Variants in TSHZ3 observed in about 807,000 individuals in gnomAD.
The protein encoded by TSHZ3 is teashirt homolog 3.
Under a neutral mutation model 64.5 loss-of-function variants are expected in TSHZ3, and 10 were observed. The ratio of observed to expected loss-of-function variants is 0.16; its 90% confidence interval spans 0.10 to 0.26. TSHZ3 has a LOEUF of 0.26. Among genes scored for constraint, TSHZ3 ranks in the 10% least tolerant of loss-of-function variants. The pLI is 1.00. For synonymous variants in TSHZ3, 608 were observed against 593.1 expected (o/e 1.03, Z -0.36); for missense variants, 1,242 against 1,421.7 (o/e 0.87, Z 2.03).
intron 1 of TSHZ3, among the ~76,000 whole-genome samples, chr19:31,341,244 C>T (rs1303829549): frequency 2.6e-5 from 4 of 152,218 alleles, no homozygotes; most frequent in Non-Finnish European, 4.4e-5. Flanking sequence ...ACATTCTAGC[C>T]TCTTGCAAGA....
intron 4 of TSHZ3, among the ~76,000 whole-genome samples, chr19:31,226,588 T>C (rs528639863): frequency 6.6e-6 from 1 of 152,158 alleles, no homozygotes; most frequent in Non-Finnish European, 1.5e-5. Context: ...AGCGTGAAAA[T>C]GGACTAATAC....
chr19:31,260,626 A>G (rs1157642655), intron 1 of TSHZ3, among the ~76,000 whole-genome samples: 1 of 152,172 alleles, frequency 6.6e-6, no homozygotes, highest in Non-Finnish European at 1.5e-5. Context: ...GTGAGAGAAA[A>G]CGCACCTTTG....
At chr19:31,251,930 G>A (rs1975849337) in intron 1 of TSHZ3, among the ~76,000 whole-genome samples, 1 of 152,206 alleles carries the variant, frequency 6.6e-6, no homozygotes, top group Non-Finnish European at 1.5e-5. Flanking sequence ...CCCCTCTGCA[G>A]TCCCCACAGG....
At chr19:31,299,051 CG>C (rs1976710433) in intron 1 of TSHZ3, among the ~76,000 whole-genome samples, 1 of 152,126 alleles carries the variant, frequency 6.6e-6, no homozygotes, top group South Asian at 2.1e-4. Flanking sequence ...GAAAATTAGC[CG>C]GGCGTGGTAG....
At chr19:31,199,245 A>G (rs1250177128) in intron 5 of TSHZ3, among the ~76,000 whole-genome samples, 1 of 151,860 alleles carries the variant, frequency 6.6e-6, no homozygotes, top group East Asian at 1.9e-4. Flanking sequence ...CTCTACTAAA[A>G]ATACAAAAAT....
At chr19:31,297,927 C>A (rs1454692629) in intron 1 of TSHZ3, among the ~76,000 whole-genome samples, 1 of 152,198 alleles carries the variant, frequency 6.6e-6, no homozygotes, top group Non-Finnish European at 1.5e-5. Flanking sequence ...GCTCCTAAAA[C>A]CCAGCTGTGA....
chr19:31,250,337 G>A lies in TSHZ3; in HGVS notation n.64-7462C>T, dbSNP rs185850864. Among the ~76,000 whole-genome samples the A allele has an allele frequency of 8.7e-4, 133 of 152,224 alleles. 1 individual carries two copies. Among genetic ancestry groups the A allele is most frequent in the African/African-American group, 3.1e-3 (128 of 41,544 alleles). On this transcript the variant is annotated intron_variant and non_coding_transcript_variant, in intron 1 of 6. Transcript: ENST00000651361. ...AATTGTTGGTTTACCTCTCACAAAC[G>A]CTGGTGGATCTCCCCATCTCTAATC...
At chr19:31,249,852 A>T (rs545900128) in intron 1 of TSHZ3, among the ~76,000 whole-genome samples, 1 of 152,344 alleles carries the variant, frequency 6.6e-6, no homozygotes, top group South Asian at 2.1e-4. Context: ...GTCATCATGG[A>T]GATAACAGAT....
Position 31,277,103 on chromosome 19 carries a change from T to G in TSHZ3, c.2690A>C (p.Asn897Thr), listed in dbSNP as rs780886308. 5.6e-6 allele frequency: 9 copies of G among 1,603,964 alleles called. No homozygotes were observed. The highest frequency in any genetic ancestry group is 7.7e-6 in the Non-Finnish European group (9 of 1,174,120). ...GATCAGGAGGTGCTGGGGGTTCCAG[T>G]TTGACTGGCGGCCCTTCCTCTTCTG... is the stretch of plus-strand genomic sequence containing the variant. ...PAQKRKGRQS[N>T]WNPQHLLILQ... The change falls in exon 2 of 2, where the codon AAC becomes ACC. Residue 897 changes from asparagine to threonine, a missense_variant. Around this residue, in one of 4 missense-constraint regions of TSHZ3, gnomAD observed 550 missense variants for 545.1 expected, o/e 1.01. Coordinates refer to ENST00000240587, the MANE Select transcript of TSHZ3 (RefSeq NM_020856.4). This position sits in a 1 kb window ranked among gnomAD's most constrained non-coding sequence, Gnocchi z 4.5.
intron 5 of TSHZ3, among the ~76,000 whole-genome samples, chr19:31,167,010 C>A (rs946747468): frequency 6.6e-6 from 1 of 151,252 alleles, no homozygotes. Flanking sequence ...CCAGAGCACA[C>A]GCAATCTTTG....
In TSHZ3 at chr19:31,276,907, T is replaced by C; in HGVS notation, c.2886A>G (p.Gly962=). The C allele has an allele frequency of 6.2e-7, 1 of 1,614,206 alleles. No individual in the cohort carries two copies. The highest frequency in any genetic ancestry group is 8.5e-7 in the Non-Finnish European group (1 of 1,180,034). ...TGTCCAAGTTTTTGAGGAACTTTGTTCCACCTGTCCTTCGAAGCTGGTATT... is the reference window on the plus strand; with the variant it reads ...TGTCCAAGTTTTTGAGGAACTTTGTCCCACCTGTCCTTCGAAGCTGGTATT... ...NVKYQLRRTG[G]TKFLKNLDTG... The change falls in exon 2 of 2, where the codon GGA becomes GGG. Residue 962 remains glycine, a synonymous_variant. Transcript: ENST00000240587.
At chr19:31,241,295 T>C (rs1188386369) in intron 3 of TSHZ3, among the ~76,000 whole-genome samples, 1 of 152,214 alleles carries the variant, frequency 6.6e-6, no homozygotes, top group Non-Finnish European at 1.5e-5. Flanking sequence ...AAACTCTTGT[T>C]GGGGCTTCAA....
chr19:31,188,503 CA>C lies in TSHZ3; in HGVS notation n.809+16452del, dbSNP rs540585571. Among the ~76,000 whole-genome samples the C allele has an allele frequency of 2.7e-3, 411 of 151,996 alleles. 2 individuals are homozygous for C. The highest frequency in any genetic ancestry group is 2.9e-3 in the Non-Finnish European group (198 of 67,822). ...AAATGTTCCTTCTAGTCTTCTTTCACAAAAAAGTTTTTTTATGAATAAGTGT... is the reference window on the plus strand; with the variant it reads ...AAATGTTCCTTCTAGTCTTCTTTCACAAAAAGTTTTTTTATGAATAAGTGT... On this transcript the variant is annotated intron_variant and non_coding_transcript_variant, in intron 5 of 6. Transcript: ENST00000651361.
intron 5 of TSHZ3, among the ~76,000 whole-genome samples, chr19:31,161,919 T>C (rs1486334012): frequency 6.6e-6 from 1 of 152,256 alleles, no homozygotes; most frequent in South Asian, 2.1e-4. Flanking sequence ...AAACAGGCGA[T>C]GGGCCTGGAT....
intron 1 of TSHZ3, among the ~76,000 whole-genome samples, chr19:31,285,934 G>A (rs892241696): frequency 6.6e-6 from 1 of 152,110 alleles, no homozygotes; most frequent in Middle Eastern, 3.2e-3. Flanking sequence ...TGGACTGTGA[G>A]GGGGAGGAGG....
intron 1 of TSHZ3, among the ~76,000 whole-genome samples, chr19:31,251,231 G>C (rs1393093355): frequency 2.0e-5 from 3 of 152,258 alleles, no homozygotes; most frequent in Middle Eastern, 3.4e-3. Flanking sequence ...CCAGGGCAAG[G>C]AGTATGCAGA....
intron 4 of TSHZ3, among the ~76,000 whole-genome samples, chr19:31,226,797 T>C (rs926454356): frequency 1.3e-5 from 2 of 152,086 alleles, no homozygotes; most frequent in South Asian, 4.2e-4. Context: ...ACAGCACCCC[T>C]TTCAGACTCA....
chr19:31,306,691 C>G (rs1167666439), intron 1 of TSHZ3, among the ~76,000 whole-genome samples: 1 of 152,000 alleles, frequency 6.6e-6, no homozygotes, highest in African/African-American at 2.4e-5. Flanking sequence ...CTGGAGATAC[C>G]CTGGGCTAGG....
chr19:31,288,521 GA>G lies in TSHZ3; in HGVS notation c.41-8770del, dbSNP rs1474106074. The stretch of plus-strand genomic sequence containing the variant: ...AAAAGCCATAGCAACCCAATGTGGA[GA>G]GCCGTCCAAGAGGGCAGTAGCTGGA... On this transcript the variant is annotated intron_variant, in intron 1 of 1. Transcript: ENST00000240587. Among the ~76,000 whole-genome samples the G allele has an allele frequency of 9.9e-5, 15 of 152,278 alleles. No homozygotes were observed. In the East Asian group the frequency reaches 2.9e-3, roughly 29 times the overall value.
Sources: allele counts gnomAD v4.1 joint callset (sites outside exome capture counted in the v4.1 genomes callset), GRCh38; gene constraint gnomAD v4.1.1; regional missense constraint gnomAD v4.1.1; non-coding constraint Gnocchi (gnomAD v3.1); transcripts MANE v1.5; gene names NCBI Gene and HGNC (gene_info 2026-07-23, HGNC 2026-07-21).